The following GALNT15 variants were observed in gnomAD, a reference collection of about 807,000 sequenced individuals.
GALNT15 encodes polypeptide N-acetylgalactosaminyltransferase 15, also known as UDP-GalNAc transferase T15.
GALNT15 carries 67 observed loss-of-function variants against 66.8 expected under a neutral mutation model. That is an observed-to-expected ratio of 1.00 (90% CI 0.82 to 1.23). GALNT15 has a LOEUF of 1.23. GALNT15 is among the 50% of genes most tolerant of loss of function. The probability of loss-of-function intolerance (pLI) is 0.00; values close to 1 mark genes in which losing one functional copy is unlikely to be tolerated. For missense variants in GALNT15, 827 were observed against 804.3 expected (o/e 1.03, Z -0.34); for synonymous variants, 313 against 311.5 (o/e 1.00, Z -0.05).
downstream of GALNT15, chr3:16,232,091 TC>T: frequency 1.3e-6 from 1 of 771,002 alleles, no homozygotes; most frequent in Non-Finnish European, 1.9e-6. Context: ...TCCAAAATTC[TC>T]CAAAACTCTC....
chr3:16,220,293 GAA>G, intron 8 of GALNT15: 1 of 438,474 alleles, frequency 2.3e-6, no homozygotes, highest in South Asian at 2.6e-5. Flanking sequence ...TGACAGATGA[GAA>G]AACTGAGGCT....
At position 16,175,422 on chromosome 3, in the gene GALNT15, C is replaced by A. The variant is rs377515842; in HGVS notation, c.271C>A (p.Arg91=). 2.5e-6 allele frequency: 4 copies of A among 1,614,002 alleles called. No homozygotes were observed. The highest frequency in any genetic ancestry group is 1.6e-4 in the Middle Eastern group (1 of 6,084). The part of the protein sequence containing the change: ...LEGLPPFISL[R]EDQLLVAVAL... ...GGGCCTGCCACCCTTTATCTCACTG[C>A]GGGAGGATCAGCTGCTGGTGGCCGT... The change falls in exon 1 of 10, where the codon CGG becomes AGG. Residue 91 remains arginine (R), a synonymous_variant. Transcript: ENST00000339732. This position sits in a 1 kb window ranked among gnomAD's most constrained non-coding sequence, Gnocchi z 5.6.
intron 3 of GALNT15, among the ~76,000 whole-genome samples, chr3:16,202,613 A>G (rs1227145703): frequency 6.6e-6 from 1 of 152,242 alleles, no homozygotes; most frequent in Non-Finnish European, 1.5e-5. Context: ...AGCCTGGGCA[A>G]CAGAGCAAGA....
At chr3:16,238,995 C>A in the GALNT15 span, among the ~76,000 whole-genome samples, 7 of 152,190 alleles carry the variant, frequency 4.6e-5, no homozygotes, top group African/African-American at 1.7e-4. This position sits in a 1 kb window ranked among gnomAD's most constrained non-coding sequence, Gnocchi z 4.8. Context: ...AACTTCCACT[C>A]ACCATTCCTG....
intron 8 of GALNT15, 150 bp from the exon 9 acceptor site, chr3:16,222,465 A>T: frequency 1.1e-6 from 1 of 873,098 alleles, no homozygotes; most frequent in South Asian, 1.6e-5. Flanking sequence ...ATGTTTTTGG[A>T]CTTGACCATG....
At chr3:16,239,160 G>A in the GALNT15 span, among the ~76,000 whole-genome samples, 2 of 152,174 alleles carry the variant, frequency 1.3e-5, no homozygotes, top group Non-Finnish European at 2.9e-5. The surrounding 1 kb of genome is among the most constrained non-coding windows in gnomAD (Gnocchi z 5.2). Context: ...CACTGAGAAA[G>A]CAAGATCTTT....
intron 6 of GALNT15, among the ~76,000 whole-genome samples, chr3:16,218,073 C>T (rs1332526831): frequency 6.6e-6 from 1 of 152,222 alleles, no homozygotes; most frequent in Non-Finnish European, 1.5e-5. Context: ...TGTATCATCT[C>T]TGGGGCAGGG....
rs1358753344 is a variant in GALNT15, at chr3:16,229,201, T to C, written c.*1701T>C. On this transcript the variant is annotated 3_prime_UTR_variant, in exon 10 of 10. Coordinates refer to ENST00000339732, the MANE Select transcript of GALNT15 (RefSeq NM_054110.5). Reference sequence around the variant, plus strand: ...CCAAACAATACCTATCATAACTACGTATTCATTGTCTACCTGCTAAGTCAA... The same window carrying C: ...CCAAACAATACCTATCATAACTACGCATTCATTGTCTACCTGCTAAGTCAA... The C allele has an allele frequency of 4.1e-6, 4 of 985,242 alleles. No individual in the cohort carries two copies. The highest frequency in any genetic ancestry group is 4.8e-6 in the Non-Finnish European group (4 of 829,862). The allele number at this position is 985,242 out of a possible 1,614,324, so 61.0% of individuals were successfully genotyped here. A position where few individuals can be genotyped will look rare whatever the true frequency, so the allele number is the denominator to read the frequency against.
At position 16,174,871 on chromosome 3, in the gene GALNT15, C is replaced by G. The variant is rs143973432; in HGVS notation, c.-281C>G. Reference sequence around the variant, plus strand: ...GAAAACCGGGGTAAAGGGAGGGAAGCAATTCAATTTGAAGTCCCTGTGAAT... The same window carrying G: ...GAAAACCGGGGTAAAGGGAGGGAAGGAATTCAATTTGAAGTCCCTGTGAAT... On this transcript the variant is annotated 5_prime_UTR_variant, in exon 1 of 10. Transcript: ENST00000339732. The surrounding 1 kb of genome is among the most constrained non-coding windows in gnomAD (Gnocchi z 4.7). 428 of 443,222 alleles carry G rather than the reference C, an allele frequency of 9.7e-4. No individual in the cohort carries two copies. The highest frequency in any genetic ancestry group is 7.5e-3 in the African/African-American group (387 of 51,604). The allele number at this position is 443,222 out of a possible 1,614,324, so 27.5% of individuals were successfully genotyped here.
chr3:16,199,721 G>A (rs2063678796), intron 2 of GALNT15, among the ~76,000 whole-genome samples: 1 of 152,284 alleles, frequency 6.6e-6, no homozygotes, highest in Non-Finnish European at 1.5e-5. Context: ...AGGCTGCACT[G>A]CGGGGTCTGT....
At chr3:16,244,726 C>T in the GALNT15 span, among the ~76,000 whole-genome samples, 1 of 152,204 alleles carries the variant, frequency 6.6e-6, no homozygotes, top group Non-Finnish European at 1.5e-5. Flanking sequence ...TTACCAGACC[C>T]ATGCTTAAGA....
chr3:16,246,321 G>GTTT, the GALNT15 span, among the ~76,000 whole-genome samples: 2,547 of 85,262 alleles, frequency 0.03, 137 homozygotes, highest in African/African-American at 0.11. Context: ...TTTGAAAGTG[G>GTTT]TTTTTTTTTT....
chr3:16,222,905 CAG>C lies in GALNT15; in HGVS notation c.1773+148_1773+149del, dbSNP rs560393199. On this transcript the variant is annotated intron_variant, in intron 9 of 9. Coordinates refer to ENST00000339732, the MANE Select transcript of GALNT15 (RefSeq NM_054110.5). The stretch of plus-strand genomic sequence containing the variant: ...ACTTAGTGGCTGGGCAGTAAGGCCT[CAG>C]GGGGAGGAAAAGGCAACCCAGCAGC... The C allele has an allele frequency of 1.3e-4, 122 of 944,882 alleles. No homozygotes were observed. In the African/African-American group the frequency reaches 1.7e-3, roughly 13 times the overall value. 58.5% of individuals were successfully genotyped at this position (944,882 alleles called of 1,614,324 possible).
At chr3:16,222,944 A>G (rs548389915) in intron 9 of GALNT15, among the ~76,000 whole-genome samples, 186 bp downstream of exon 9, 1 of 152,280 alleles carries the variant, frequency 6.6e-6, no homozygotes, top group East Asian at 1.9e-4. Context: ...AAGTTGGCCC[A>G]CTGGCATCTT....
Position 16,211,103 on chromosome 3 carries a change from C to T in GALNT15, c.1080-21C>T, listed in dbSNP as rs1271791006. On this transcript the variant is annotated intron_variant, in intron 4 of 9. Transcript: ENST00000339732. This position sits in a 1 kb window ranked among gnomAD's most constrained non-coding sequence, Gnocchi z 4.3. ...GCTCTGGGTTCTGAACTGCAGTGTC[C>T]TGCCTGTCTTCTGTGTCCAGGAGCC... 14 of 1,576,358 alleles carry T rather than the reference C, an allele frequency of 8.9e-6. No homozygotes were observed. The highest frequency in any genetic ancestry group is 1.2e-5 in the Non-Finnish European group (14 of 1,146,326).
At chr3:16,208,704 C>T in intron 4 of GALNT15, 34 bp downstream of exon 4, 1 of 1,604,356 alleles carries the variant, frequency 6.2e-7, no homozygotes, top group Non-Finnish European at 8.5e-7. Context: ...TTTGCCATTG[C>T]CTCCTCAGGA....
chr3:16,236,761 A>G (rs896824789), downstream of GALNT15, among the ~76,000 whole-genome samples: 2 of 152,238 alleles, frequency 1.3e-5, no homozygotes, highest in African/African-American at 4.8e-5. Context: ...TTAAAAATCA[A>G]ATAATAAAAC....
downstream of GALNT15, among the ~76,000 whole-genome samples, chr3:16,233,092 A>ATATTTTT (rs771943641): frequency 2.1e-5 from 1 of 48,074 alleles, no homozygotes; most frequent in Non-Finnish European, 4.2e-5. Flanking sequence ...AGGATAATGC[A>ATATTTTT]TCTTTTTTTT....
At chr3:16,185,352 G>A (rs1370489620) in intron 1 of GALNT15, among the ~76,000 whole-genome samples, 1 of 152,224 alleles carries the variant, frequency 6.6e-6, no homozygotes, top group Non-Finnish European at 1.5e-5. Context: ...TTGCTCAGAT[G>A]AAGGAAAGTA....
Sources: allele counts gnomAD v4.1 joint callset (sites outside exome capture counted in the v4.1 genomes callset), GRCh38; gene constraint gnomAD v4.1.1; non-coding constraint Gnocchi (gnomAD v3.1); transcripts MANE v1.5; gene names NCBI Gene and HGNC (gene_info 2026-07-23, HGNC 2026-07-21).